The following ZNF385B variants were observed in gnomAD, a reference collection of about 807,000 sequenced individuals.
ZNF385B encodes zinc finger protein 533.
ZNF385B carries 23 observed loss-of-function variants against 39.2 expected under a neutral mutation model. That is an observed-to-expected ratio of 0.59 (90% CI 0.42 to 0.83). The LOEUF (loss-of-function observed/expected upper bound fraction) is 0.83, where lower values mean the gene tolerates loss of function less well. Among genes scored for constraint, ZNF385B ranks in the 40% least tolerant of loss-of-function variants. ZNF385B has a pLI of 0.00. For synonymous variants in ZNF385B, 205 were observed against 222.6 expected (o/e 0.92, Z 0.70); for missense variants, 552 against 598.9 (o/e 0.92, Z 0.82).
chr2:179,832,073 ATCGACAAGTC>A (rs1279347133), intron 1 of ZNF385B, among the ~76,000 whole-genome samples: 1 of 152,210 alleles, frequency 6.6e-6, no homozygotes, highest in Non-Finnish European at 1.5e-5. Flanking sequence ...GCCTCCTTCC[ATCGACAAGTC>A]TCAGTAGCAA....
At chr2:179,485,867 C>T (rs983794413) in intron 5 of ZNF385B, among the ~76,000 whole-genome samples, 1 of 152,172 alleles carries the variant, frequency 6.6e-6, no homozygotes, top group African/African-American at 2.4e-5. Context: ...TAACCCAGGT[C>T]ACCCAAGGTC....
At chr2:179,687,199 A>T (rs1399780122) in intron 3 of ZNF385B, among the ~76,000 whole-genome samples, 1 of 151,130 alleles carries the variant, frequency 6.6e-6, no homozygotes, top group Non-Finnish European at 1.5e-5. Context: ...GGAGGAAATG[A>T]TCCACACAAC....
At chr2:179,859,514 T>C (rs1344394144) in intron 1 of ZNF385B, among the ~76,000 whole-genome samples, 2 of 152,188 alleles carry the variant, frequency 1.3e-5, no homozygotes, top group East Asian at 1.9e-4. Flanking sequence ...GACAGTAATT[T>C]TTCCTTTGTT....
intron 3 of ZNF385B, among the ~76,000 whole-genome samples, chr2:179,591,104 T>TACACACACACAC (rs143269141): frequency 0.032 from 4,769 of 149,790 alleles, 250 homozygotes; most frequent in East Asian, 0.2. Context: ...ATGATTCATT[T>TACACACACACAC]ACACACACAC....
chr2:179,476,415 T>A (rs10803925), intron 6 of ZNF385B, among the ~76,000 whole-genome samples: 100,323 of 152,026 alleles, frequency 0.66, 33,861 homozygotes, highest in East Asian at 0.92. Flanking sequence ...TAACAACAAG[T>A]AATTTAAGGC....
At chr2:179,796,025 A>G (rs1261183480) in intron 1 of ZNF385B, among the ~76,000 whole-genome samples, 2 of 152,126 alleles carry the variant, frequency 1.3e-5, no homozygotes, top group Non-Finnish European at 1.5e-5. Context: ...TAACTTGACT[A>G]TGCTTGCTTG....
chr2:179,704,737 G>C lies in ZNF385B; in HGVS notation c.298+64766C>G, dbSNP rs75084254. On this transcript the variant is annotated intron_variant, in intron 3 of 9. Transcript: ENST00000410066. ...CAAAGTTTCTTCTCCACCAGGATCT[G>C]TTGTCAATGTGTAACACCAACTTAG... Among the ~76,000 whole-genome samples, 1,209 of 152,316 alleles carry C rather than the reference G, an allele frequency of 7.9e-3. 14 individuals are homozygous for C. The highest frequency in any genetic ancestry group is 0.014 in the Non-Finnish European group (963 of 68,014).
intron 3 of ZNF385B, among the ~76,000 whole-genome samples, chr2:179,592,623 T>A (rs908588809): frequency 6.6e-6 from 1 of 152,196 alleles, no homozygotes; most frequent in Non-Finnish European, 1.5e-5. Flanking sequence ...GACACTATTT[T>A]TTTTTACAGA....
At chr2:179,464,730 A>G (rs966205852) in intron 6 of ZNF385B, among the ~76,000 whole-genome samples, 4 of 152,164 alleles carry the variant, frequency 2.6e-5, no homozygotes, top group South Asian at 2.1e-4. Flanking sequence ...TACCAGTACC[A>G]TGCCGTTTTG....
At chr2:179,604,136 A>T (rs1003143890) in intron 3 of ZNF385B, among the ~76,000 whole-genome samples, 7 of 152,180 alleles carry the variant, frequency 4.6e-5, no homozygotes, top group African/African-American at 1.4e-4. Flanking sequence ...GACCAGTTTT[A>T]AAGCCAAGTC....
chr2:179,619,434 C>T (rs13035781), intron 3 of ZNF385B, among the ~76,000 whole-genome samples: 38,672 of 152,024 alleles, frequency 0.25, 4,992 homozygotes, highest in Admixed American at 0.31. Context: ...ATAGCTTAGG[C>T]TGAAGCTGGG....
rs186668387 is a variant in ZNF385B at position 179,712,928 on chromosome 2, C to G, written c.298+56575G>C. On this transcript the variant is annotated intron_variant, in intron 3 of 9. Transcript: ENST00000410066. ...CATACTTCAAATTTTGACTTCTGAT[C>G]TTTTTCTGGGCTAGTAATATGCAGC... Among the ~76,000 whole-genome samples, 539 of 152,238 alleles carry G rather than the reference C, an allele frequency of 3.5e-3. 3 individuals carry two copies. Among genetic ancestry groups the G allele is most frequent in the Non-Finnish European group, 4.5e-3 (305 of 68,022 alleles).
chr2:179,493,537 G>A lies in ZNF385B; in HGVS notation c.553-10103C>T, dbSNP rs150088380. The stretch of plus-strand genomic sequence containing the variant: ...TATACATATGTGTGTACATATATGC[G>A]TATACATACGTGTACATGCACATAT... On this transcript the variant is annotated intron_variant, in intron 5 of 9. Coordinates refer to ENST00000410066, the MANE Select transcript of ZNF385B (RefSeq NM_152520.6). 6.1e-3 allele frequency among the ~76,000 whole-genome samples: 920 copies of A among 150,426 alleles called. 12 individuals carry two copies. Among genetic ancestry groups the A allele is most frequent in the African/African-American group, 0.022 (888 of 41,092 alleles).
chr2:179,471,239 A>T (rs904820684), intron 6 of ZNF385B, among the ~76,000 whole-genome samples: 5 of 152,166 alleles, frequency 3.3e-5, no homozygotes, highest in Non-Finnish European at 4.4e-5. Context: ...AACATAAATG[A>T]CTAAGAGTTT....
intron 3 of ZNF385B, among the ~76,000 whole-genome samples, chr2:179,607,050 T>C (rs1161758942): frequency 6.6e-6 from 1 of 152,160 alleles, no homozygotes; most frequent in Admixed American, 6.5e-5. Context: ...TTTGGTTACG[T>C]CTGGACCTGA....
At chr2:179,633,309 A>G (rs1471909487) in intron 3 of ZNF385B, among the ~76,000 whole-genome samples, 1 of 152,188 alleles carries the variant, frequency 6.6e-6, no homozygotes, top group Non-Finnish European at 1.5e-5. Flanking sequence ...CCTCAATAAG[A>G]TACTGGCAAA....
chr2:179,527,006 C>T (rs576628632), intron 4 of ZNF385B, among the ~76,000 whole-genome samples: 1 of 152,332 alleles, frequency 6.6e-6, no homozygotes, highest in South Asian at 2.1e-4. Flanking sequence ...AACAACACAA[C>T]ACATACTTCA....
intron 1 of ZNF385B, among the ~76,000 whole-genome samples, chr2:179,810,139 T>C (rs755543430): frequency 6.6e-6 from 1 of 151,924 alleles, no homozygotes; most frequent in Non-Finnish European, 1.5e-5. Flanking sequence ...CTTAGGGGAA[T>C]TTATAATCTC....
chr2:179,658,019 TG>T (rs1559042810), intron 3 of ZNF385B, among the ~76,000 whole-genome samples: 1 of 152,220 alleles, frequency 6.6e-6, no homozygotes. Flanking sequence ...GAGGAAACCT[TG>T]GGCAAATGAA....
Sources: gnomAD v4.1 joint callset for allele counts (sites outside exome capture counted in the v4.1 genomes callset) on GRCh38, gnomAD v4.1.1 for gene constraint, MANE v1.5 for transcripts, NCBI Gene and HGNC (gene_info 2026-07-23, HGNC 2026-07-21) for gene names.